Variants in SAMD5 observed in about 807,000 individuals in gnomAD.
SAMD5 encodes sterile alpha motif domain containing 5.
In SAMD5, 13 loss-of-function variants were observed where a neutral mutation model predicts 11.3. The ratio of observed to expected loss-of-function variants is 1.15; its 90% CI spans 0.75 to 1.83. The LOEUF is 1.83. Among genes scored for constraint, SAMD5 ranks in the 40% most tolerant of loss-of-function variants. SAMD5 has a pLI of 0.00. For synonymous variants in SAMD5, 129 were observed against 111.3 expected, an observed-to-expected ratio of 1.16 and a Z score of -1.00; for missense variants, 255 against 239.1, an observed-to-expected ratio of 1.07 and a Z score of -0.44.
At chr6:147,791,570 T>G in the SAMD5 span, among the ~76,000 whole-genome samples, 13,992 of 152,180 alleles carry the variant, frequency 0.092, 737 homozygotes, top group African/African-American at 0.11. Context: ...TACCTGAGTA[T>G]TTATGCATGC....
At chr6:147,910,434 C>T in the SAMD5 span, among the ~76,000 whole-genome samples, 1,621 of 152,274 alleles carry the variant, frequency 0.011, 10 homozygotes, top group Non-Finnish European at 0.017. Flanking sequence ...CTACTCTCTC[C>T]GGGCGCAGCG....
At chr6:147,801,947 A>G in the SAMD5 span, among the ~76,000 whole-genome samples, 5 of 152,338 alleles carry the variant, frequency 3.3e-5, no homozygotes, top group Non-Finnish European at 5.9e-5. Flanking sequence ...CATAAAAGCT[A>G]TAACTATAAA....
At chr6:147,731,172 T>G (rs972414241) in intron 1 of SAMD5, among the ~76,000 whole-genome samples, 1 of 152,130 alleles carries the variant, frequency 6.6e-6, no homozygotes, top group African/African-American at 2.4e-5. Flanking sequence ...TGACAAGCAA[T>G]GGAACCAGGT....
At chr6:147,837,262 T>G in the SAMD5 span, among the ~76,000 whole-genome samples, 4 of 152,148 alleles carry the variant, frequency 2.6e-5, no homozygotes, top group South Asian at 2.1e-4. Context: ...CCCAGAAGAC[T>G]CTGGGATAAG....
the SAMD5 span, among the ~76,000 whole-genome samples, chr6:147,766,854 A>T: frequency 6.6e-6 from 1 of 152,238 alleles, no homozygotes; most frequent in African/African-American, 2.4e-5. Context: ...GAGTTGCTAG[A>T]ATAGTTATTA....
At chr6:147,781,737 A>G in the SAMD5 span, among the ~76,000 whole-genome samples, 1 of 150,060 alleles carries the variant, frequency 6.7e-6, no homozygotes, top group Non-Finnish European at 1.5e-5. Context: ...CTATAGTATT[A>G]TAATTTGTAT....
chr6:147,898,057 A>T, the SAMD5 span, among the ~76,000 whole-genome samples: 1 of 150,634 alleles, frequency 6.6e-6, no homozygotes, highest in Non-Finnish European at 1.5e-5. Flanking sequence ...TGGCAAGTGG[A>T]TCACAGCTGA....
At chr6:147,579,265 G>A (rs966215877) in intron 1 of SAMD5, among the ~76,000 whole-genome samples, 1 of 152,204 alleles carries the variant, frequency 6.6e-6, no homozygotes, top group Non-Finnish European at 1.5e-5. Flanking sequence ...TACTGGGAAA[G>A]TAAAGAGAAG....
At chr6:147,677,713 A>C (rs1275610137) in intron 1 of SAMD5, among the ~76,000 whole-genome samples, 1 of 152,068 alleles carries the variant, frequency 6.6e-6, no homozygotes, top group Non-Finnish European at 1.5e-5. Context: ...CTTGGGAGCA[A>C]GGCCATGGGA....
the SAMD5 span, among the ~76,000 whole-genome samples, chr6:147,782,031 G>A: frequency 1.1e-4 from 16 of 151,592 alleles, no homozygotes; most frequent in African/African-American, 3.1e-4. Context: ...TTACCAAAGC[G>A]TATGTATGTT....
chr6:147,813,229 T>A, the SAMD5 span, among the ~76,000 whole-genome samples: 1 of 152,226 alleles, frequency 6.6e-6, no homozygotes, highest in Non-Finnish European at 1.5e-5. Context: ...ATGTTTCAGT[T>A]CAGGGTTCTC....
chr6:147,912,930 C>T, the SAMD5 span, among the ~76,000 whole-genome samples: 1 of 151,222 alleles, frequency 6.6e-6, no homozygotes, highest in Admixed American at 6.6e-5. Context: ...ATCCAGAACG[C>T]AATGAAGTTG....
chr6:147,551,830 A>ATATATG, intron 1 of SAMD5, among the ~76,000 whole-genome samples: 1 of 109,116 alleles, frequency 9.2e-6, no homozygotes, highest in East Asian at 3.6e-4. Context: ...ATATATATAT[A>ATATATG]TATATATGTA....
the SAMD5 span, among the ~76,000 whole-genome samples, chr6:147,934,628 T>C: frequency 6.6e-6 from 1 of 151,898 alleles, no homozygotes; most frequent in African/African-American, 2.4e-5. Flanking sequence ...GCAGGGAACA[T>C]AACCAGTGGA....
At chr6:147,742,744 C>T in the SAMD5 span, among the ~76,000 whole-genome samples, 1 of 151,992 alleles carries the variant, frequency 6.6e-6, no homozygotes, top group Non-Finnish European at 1.5e-5. Context: ...TGAAGTTTCT[C>T]CTTGATCACC....
At chr6:147,720,101 C>T (rs1049647243) in intron 1 of SAMD5, among the ~76,000 whole-genome samples, 3 of 152,178 alleles carry the variant, frequency 2.0e-5, no homozygotes, top group East Asian at 3.9e-4. Flanking sequence ...ACACCAGGCA[C>T]GTACAGTGTC....
chr6:147,781,491 C>G, the SAMD5 span, among the ~76,000 whole-genome samples: 1 of 152,176 alleles, frequency 6.6e-6, no homozygotes, highest in South Asian at 2.1e-4. Context: ...ACTTATTTAG[C>G]TTAATGATGT....
the SAMD5 span, among the ~76,000 whole-genome samples, chr6:147,802,300 C>A: frequency 6.6e-6 from 1 of 151,954 alleles, no homozygotes; most frequent in Non-Finnish European, 1.5e-5. Flanking sequence ...CCAGTAATAG[C>A]ACAGGAAAGT....
intron 1 of SAMD5, among the ~76,000 whole-genome samples, chr6:147,620,252 T>G (rs1465393784): frequency 6.6e-6 from 1 of 152,152 alleles, no homozygotes; most frequent in Non-Finnish European, 1.5e-5. Flanking sequence ...GCGCCCTTGC[T>G]CATTTTCTTC....
Sources: gnomAD v4.1 joint callset for allele counts (sites outside exome capture counted in the v4.1 genomes callset) on GRCh38, gnomAD v4.1.1 for gene constraint, MANE v1.5 for transcripts, NCBI Gene and HGNC (gene_info 2026-07-23, HGNC 2026-07-21) for gene names.